Variants in CERS3 observed in about 807,000 individuals in gnomAD.
CERS3 encodes the protein LAG1 homolog, ceramide synthase 3.
A neutral mutation model predicts 50.3 loss-of-function variants in CERS3; 33 were observed. That is an observed-to-expected ratio of 0.66 (90% CI 0.50 to 0.88). The LOEUF (loss-of-function observed/expected upper bound fraction) is 0.88. CERS3 is among the 40% of genes least tolerant of loss of function. CERS3 has a pLI of 0.00. For synonymous variants in CERS3, 176 were observed against 155.2 expected (o/e 1.13, Z -0.99); for missense variants, 470 against 460.3 (o/e 1.02, Z -0.19).
intron 1 of CERS3, among the ~76,000 whole-genome samples, chr15:100,528,449 G>A (rs67756901): frequency 4.6e-5 from 7 of 152,082 alleles, no homozygotes; most frequent in East Asian, 1.9e-4. Flanking sequence ...GCATTCAGCC[G>A]TGTGTGATTT....
intron 1 of CERS3, among the ~76,000 whole-genome samples, chr15:100,539,952 A>G (rs1287617585): frequency 2.0e-5 from 3 of 152,126 alleles, no homozygotes; most frequent in Non-Finnish European, 4.4e-5. Flanking sequence ...CCTGCTTGCT[A>G]TTACCAAGTA....
intron 11 of CERS3, among the ~76,000 whole-genome samples, chr15:100,431,773 T>C (rs2033148307): frequency 6.6e-6 from 1 of 152,186 alleles, no homozygotes; most frequent in African/African-American, 2.4e-5. Context: ...TCTGTAGATT[T>C]AACTGGTCTG....
At chr15:100,509,813 T>C (rs1038302920) in intron 2 of CERS3, among the ~76,000 whole-genome samples, 1 of 152,112 alleles carries the variant, frequency 6.6e-6, no homozygotes, top group Admixed American at 6.5e-5. Context: ...ATTGAATGAA[T>C]GGATGTAAAG....
At chr15:100,450,334 C>G (rs1195825808) in intron 11 of CERS3, among the ~76,000 whole-genome samples, 1 of 146,844 alleles carries the variant, frequency 6.8e-6, no homozygotes, top group Non-Finnish European at 1.5e-5. Context: ...AGGGGAATTG[C>G]TTGAACTTGG....
At chr15:100,447,083 C>T (rs187261349) in intron 11 of CERS3, among the ~76,000 whole-genome samples, 1 of 152,308 alleles carries the variant, frequency 6.6e-6, no homozygotes, top group Admixed American at 6.5e-5. Context: ...AGCAAACCTA[C>T]ATTTTGCGGA....
At chr15:100,503,964 G>GC (rs2036088896) in intron 2 of CERS3, 1 of 333,538 alleles carries the variant, frequency 3.0e-6, no homozygotes, top group Non-Finnish European at 6.0e-6. Context: ...TGGGAGTGAG[G>GC]CCCGAGGGTA....
At chr15:100,508,350 T>C (rs2036243300) in intron 2 of CERS3, among the ~76,000 whole-genome samples, 1 of 152,190 alleles carries the variant, frequency 6.6e-6, no homozygotes, top group Non-Finnish European at 1.5e-5. Context: ...GGCTGCTGGC[T>C]TCCCTGAATA....
intron 11 of CERS3, among the ~76,000 whole-genome samples, chr15:100,427,431 G>A (rs1596641055): frequency 6.6e-6 from 1 of 152,200 alleles, no homozygotes; most frequent in Non-Finnish European, 1.5e-5. Context: ...CCATAGATGA[G>A]TGGCCATTAC....
rs148189157 is a variant in CERS3 at position 100,473,925 on chromosome 15, C to T, written c.610-873G>A. Among the ~76,000 whole-genome samples, 165 of 152,224 alleles carry T rather than the reference C, an allele frequency of 1.1e-3. 1 individual carries two copies. The highest frequency in any genetic ancestry group is 3.4e-3 in the African/African-American group (143 of 41,530). On this transcript the variant is annotated intron_variant, in intron 8 of 11. Coordinates refer to ENST00000679737, the MANE Select transcript of CERS3 (RefSeq NM_001378789.1). ...AGAGGATGAATAAAATGCATCCATC[C>T]GTACAATGGACTATTACTTAGCAAT...
Position 100,413,959 on chromosome 15 carries a change from G to A in CERS3, c.1000-11094C>T, listed in dbSNP as rs148441474. ...AAATAGTAATAGTAATAAAACACCT[G>A]CCAACCAGAAAAATACCTGGAACAG... On this transcript the variant is annotated intron_variant, in intron 11 of 11. Transcript: ENST00000679737. 4.3e-3 allele frequency among the ~76,000 whole-genome samples: 661 copies of A among 152,058 alleles called. 5 individuals carry two copies. Among genetic ancestry groups the A allele is most frequent in the African/African-American group, 0.015 (603 of 41,518 alleles).
chr15:100,434,949 G>C (rs1433653182), intron 11 of CERS3, among the ~76,000 whole-genome samples: 1 of 152,132 alleles, frequency 6.6e-6, no homozygotes, highest in Non-Finnish European at 1.5e-5. Context: ...CTTGTACTTG[G>C]TTCTTCCCCC....
chr15:100,513,803 C>T (rs1045385381), intron 2 of CERS3, among the ~76,000 whole-genome samples: 1 of 152,124 alleles, frequency 6.6e-6, no homozygotes, highest in Non-Finnish European at 1.5e-5. Flanking sequence ...TTCCAAAGTG[C>T]TGGAATTACT....
intron 1 of CERS3, among the ~76,000 whole-genome samples, chr15:100,527,300 AAAAT>A (rs762541364): frequency 3.9e-5 from 6 of 152,190 alleles, no homozygotes; most frequent in Non-Finnish European, 7.3e-5. Flanking sequence ...CCATCTCAAA[AAAAT>A]AAAAAAGGAA....
chr15:100,404,791 C>T (rs2030859556), intron 11 of CERS3, among the ~76,000 whole-genome samples: 1 of 152,042 alleles, frequency 6.6e-6, no homozygotes, highest in African/African-American at 2.4e-5. Context: ...ATCAGTGGAA[C>T]AGAATGGAGG....
At chr15:100,441,947 A>G (rs1596667179) in intron 11 of CERS3, among the ~76,000 whole-genome samples, 1 of 151,774 alleles carries the variant, frequency 6.6e-6, no homozygotes, top group East Asian at 1.9e-4. Context: ...CCTCCTCACC[A>G]GGCTGAGCTA....
intron 11 of CERS3, among the ~76,000 whole-genome samples, chr15:100,423,100 T>TGACGAAA: frequency 6.7e-6 from 1 of 148,438 alleles, no homozygotes; most frequent in South Asian, 2.1e-4. Flanking sequence ...AAAAAAATGT[T>TGACGAAA]AAAAAAAAAA....
chr15:100,535,789 G>GACATCCCTATGCTCATATGTGC (rs2037060378), intron 1 of CERS3, among the ~76,000 whole-genome samples: 1 of 131,054 alleles, frequency 7.6e-6, no homozygotes, highest in African/African-American at 2.9e-5. Flanking sequence ...GGGAAGTGGG[G>GACATCCCTATGCTCATATGTGC]ACATCCCTAT....
Position 100,470,644 on chromosome 15 carries a change from T to A in CERS3, c.739-1160A>T, listed in dbSNP as rs113108039. On this transcript the variant is annotated intron_variant, in intron 9 of 11. Transcript: ENST00000679737. ...TTTGTGAGGGTGAAGTAACACACTT[T>A]TGGGCAAAACATACACAGAACATAT... Among the ~76,000 whole-genome samples, 726 of 152,252 alleles carry A rather than the reference T, an allele frequency of 4.8e-3. 4 individuals carry two copies. Among genetic ancestry groups the A allele is most frequent in the African/African-American group, 0.016 (684 of 41,544 alleles).
In CERS3 at chr15:100,501,783, A is replaced by G; in HGVS notation, c.67T>C (p.Ser23Pro). 6.2e-7 allele frequency: 1 copy of G among 1,614,168 alleles called. No homozygotes were observed. Among genetic ancestry groups the G allele is most frequent in the Non-Finnish European group, 8.5e-7 (1 of 1,179,974 alleles). ...AGTCCATCGTGATCCTCAAGATCTG[A>G]CCACTTTATTGTTGGAGGAAGCCAG... ...RFWLPPTIKW[S>P]DLEDHDGLVF... is the part of the protein sequence containing the mutation. The change falls in exon 3 of 12, where the codon TCA (serine) becomes CCA (proline). Residue 23 changes from serine to proline, a missense_variant. Transcript: ENST00000679737.
Sources: gnomAD v4.1 joint callset for allele counts (sites outside exome capture counted in the v4.1 genomes callset) on GRCh38, gnomAD v4.1.1 for gene constraint, MANE v1.5 for transcripts, NCBI Gene and HGNC (gene_info 2026-07-23, HGNC 2026-07-21) for gene names.